The following GALNT17 variants were observed in gnomAD, a reference collection of about 807,000 sequenced individuals.
GALNT17 encodes the protein polypeptide N-acetylgalactosaminyltransferase 17, also known as UDP-GalNAc:polypeptide N-acetylgalactosaminyltransferase-like 3.
GALNT17 carries 29 observed loss-of-function variants against 63.7 expected under a neutral mutation model. The ratio of observed to expected loss-of-function variants is 0.46; its 90% confidence interval spans 0.34 to 0.62. GALNT17 has a LOEUF of 0.62. Among genes scored for constraint, GALNT17 ranks in the 20% least tolerant of loss-of-function variants. The pLI, the probability that GALNT17 is intolerant of heterozygous loss-of-function variation, is 0.01. For missense variants in GALNT17, 603 were observed against 799.6 expected (o/e 0.75, Z 2.97); for synonymous variants, 305 against 318.3 (o/e 0.96, Z 0.45).
chr7:71,451,225 A>G (rs1787257897), intron 5 of GALNT17, among the ~76,000 whole-genome samples: 1 of 152,008 alleles, frequency 6.6e-6, no homozygotes, highest in East Asian at 1.9e-4. Context: ...ATTGCATGAC[A>G]TTTTTCTAGT....
chr7:71,693,305 C>CATATATAT lies in GALNT17; in HGVS notation c.1500+16000_1500+16001insTATATATA, dbSNP rs1375479092. Among the ~76,000 whole-genome samples the CATATATAT allele has an allele frequency of 3.5e-4, 44 of 126,068 alleles. 4 individuals are homozygous for CATATATAT. In the South Asian group the frequency reaches 3.9e-3, roughly 11 times the overall value. 82.7% of individuals were successfully genotyped at this position (126,068 alleles called of 152,430 possible). ...ACACACACACACACACACACACACA[C>CATATATAT]ACACATATATATATATGGAGACAAG... On this transcript the variant is annotated intron_variant, in intron 9 of 10. Transcript: ENST00000333538.
Position 71,145,855 on chromosome 7 carries a change from G to A in GALNT17, c.238+12815G>A, listed in dbSNP as rs375745622. Reference sequence around the variant, plus strand: ...TGAGTAGCTGGGATTACAGGCGGCCGCCACCACACCCCGCTAATTTTTGTA... The same window carrying A: ...TGAGTAGCTGGGATTACAGGCGGCCACCACCACACCCCGCTAATTTTTGTA... On this transcript the variant is annotated intron_variant, in intron 1 of 10. Coordinates refer to ENST00000333538, the MANE Select transcript of GALNT17 (RefSeq NM_022479.3). 2.8e-4 allele frequency among the ~76,000 whole-genome samples: 43 copies of A among 152,098 alleles called. 1 individual carries two copies. The South Asian group carries it at 5.8e-3, about 21-fold the overall frequency.
intron 1 of GALNT17, among the ~76,000 whole-genome samples, chr7:71,140,675 C>T (rs1159234075): frequency 6.6e-6 from 1 of 152,130 alleles, no homozygotes; most frequent in Non-Finnish European, 1.5e-5. Context: ...ACACCCAAGC[C>T]CAAGGCCAGC....
At chr7:71,246,626 C>T (rs1168057820) in intron 1 of GALNT17, among the ~76,000 whole-genome samples, 1 of 151,700 alleles carries the variant, frequency 6.6e-6, no homozygotes, top group Non-Finnish European at 1.5e-5. Flanking sequence ...GTCAGGAGAT[C>T]GAGACCATCC....
At chr7:71,543,428 A>G (rs1788926756) in intron 5 of GALNT17, among the ~76,000 whole-genome samples, 2 of 152,182 alleles carry the variant, frequency 1.3e-5, no homozygotes, top group African/African-American at 2.4e-5. Context: ...TTTATCAGAA[A>G]ACGTTTAGCA....
intron 1 of GALNT17, among the ~76,000 whole-genome samples, chr7:71,333,320 T>C (rs1296616093): frequency 2.6e-5 from 4 of 152,218 alleles, no homozygotes; most frequent in Non-Finnish European, 5.9e-5. Flanking sequence ...TGCCATAGCT[T>C]GTATCACAAC....
intron 5 of GALNT17, among the ~76,000 whole-genome samples, chr7:71,566,916 T>G (rs943031980): frequency 2.0e-5 from 3 of 152,108 alleles, no homozygotes; most frequent in Non-Finnish European, 4.4e-5. Context: ...ATTGTACATC[T>G]GCCTCCTCCT....
At chr7:71,412,375 C>CTTT (rs529402267) in intron 3 of GALNT17, among the ~76,000 whole-genome samples, 2 of 145,816 alleles carry the variant, frequency 1.4e-5, no homozygotes, top group Admixed American at 6.9e-5. Flanking sequence ...CATCATCTCC[C>CTTT]TTTTTTTTTT....
intron 6 of GALNT17, among the ~76,000 whole-genome samples, chr7:71,662,969 C>T (rs1049383951): frequency 2.0e-5 from 3 of 152,088 alleles, no homozygotes; most frequent in African/African-American, 7.2e-5. Flanking sequence ...TTCCTTAGCC[C>T]ACTGAATTGT....
intron 9 of GALNT17, among the ~76,000 whole-genome samples, chr7:71,691,654 G>A (rs1177689739): frequency 2.0e-5 from 3 of 152,218 alleles, no homozygotes; most frequent in Non-Finnish European, 4.4e-5. Context: ...TGTGTCTTCC[G>A]GGAAGTTTAG....
chr7:71,162,079 T>C (rs1484158694), intron 1 of GALNT17, among the ~76,000 whole-genome samples: 2 of 96,968 alleles, frequency 2.1e-5, no homozygotes, highest in Middle Eastern at 4.7e-3. Context: ...CTTCCTTCCT[T>C]CTTTCCTTCC....
intron 1 of GALNT17, among the ~76,000 whole-genome samples, chr7:71,259,185 G>A (rs1262421514): frequency 6.6e-6 from 1 of 152,122 alleles, no homozygotes; most frequent in Non-Finnish European, 1.5e-5. Context: ...TGAATGTCTA[G>A]AGAATTCCAT....
intron 1 of GALNT17, among the ~76,000 whole-genome samples, chr7:71,204,881 G>A (rs1734726633): frequency 6.6e-6 from 1 of 152,040 alleles, no homozygotes; most frequent in Non-Finnish European, 1.5e-5. Context: ...AAGTAGCTGG[G>A]ATTATAGGTG....
chr7:71,169,832 A>G (rs1438986928), intron 1 of GALNT17, among the ~76,000 whole-genome samples: 3 of 152,090 alleles, frequency 2.0e-5, no homozygotes, highest in Non-Finnish European at 4.4e-5. Context: ...CTGAGATTAC[A>G]GGCATGAGCC....
At chr7:71,248,395 G>A (rs1013843693) in intron 1 of GALNT17, among the ~76,000 whole-genome samples, 2 of 152,150 alleles carry the variant, frequency 1.3e-5, no homozygotes, top group African/African-American at 4.8e-5. Flanking sequence ...CGTCTCAGGG[G>A]TGGTCAAGGC....
At chr7:71,467,176 C>A (rs1787549972) in intron 5 of GALNT17, among the ~76,000 whole-genome samples, 1 of 152,138 alleles carries the variant, frequency 6.6e-6, no homozygotes, top group South Asian at 2.1e-4. Flanking sequence ...AAGTCTAGTT[C>A]CTCTTTCAAG....
intron 5 of GALNT17, among the ~76,000 whole-genome samples, chr7:71,455,605 A>G (rs1257618527): frequency 6.6e-6 from 1 of 151,700 alleles, no homozygotes; most frequent in East Asian, 1.9e-4. Flanking sequence ...GCTGTGCCAG[A>G]CCCCAGACCA....
At chr7:71,379,319 G>A (rs908733287) in intron 2 of GALNT17, among the ~76,000 whole-genome samples, 1 of 152,084 alleles carries the variant, frequency 6.6e-6, no homozygotes, top group African/African-American at 2.4e-5. Flanking sequence ...GAGATGGATC[G>A]GGCTCAACTT....
intron 6 of GALNT17, among the ~76,000 whole-genome samples, chr7:71,585,131 CCTTT>C (rs1327962360): frequency 6.6e-6 from 1 of 152,112 alleles, no homozygotes; most frequent in Non-Finnish European, 1.5e-5. Context: ...ATTACTTCTT[CCTTT>C]ATTTTTTCCT....
Sources: allele counts gnomAD v4.1 joint callset (sites outside exome capture counted in the v4.1 genomes callset), GRCh38; gene constraint gnomAD v4.1.1; transcripts MANE v1.5; gene names NCBI Gene and HGNC (gene_info 2026-07-23, HGNC 2026-07-21).